SYNDIG1: variants seen among roughly 807,000 people sequenced by gnomAD.
SYNDIG1 encodes the protein synapse differentiation-inducing gene protein 1.
SYNDIG1 carries 9 observed loss-of-function variants against 19.4 expected under a neutral mutation model. The ratio of observed to expected loss-of-function variants is 0.46; its 90% CI spans 0.28 to 0.81. The LOEUF (loss-of-function observed/expected upper bound fraction) is 0.81. Ranked by LOEUF, SYNDIG1 falls within the 30% of genes least tolerant of loss-of-function variation. The pLI, the probability that SYNDIG1 is intolerant of heterozygous loss-of-function variation, is 0.12. For missense variants in SYNDIG1, 311 were observed against 343.3 expected (o/e 0.91, Z 0.74); for synonymous variants, 141 against 145.9 (o/e 0.97, Z 0.24).
chr20:24,525,883 C>T (rs2057113994), intron 1 of SYNDIG1, among the ~76,000 whole-genome samples: 1 of 152,016 alleles, frequency 6.6e-6, no homozygotes, highest in South Asian at 2.1e-4. Context: ...ATAAATTTTG[C>T]TTTATATAAT....
intron 3 of SYNDIG1, among the ~76,000 whole-genome samples, chr20:24,601,205 A>G: frequency 6.6e-6 from 1 of 152,152 alleles, no homozygotes. Flanking sequence ...CATAATTTGT[A>G]TATGTTGCTG....
intron 1 of SYNDIG1, among the ~76,000 whole-genome samples, chr20:24,528,276 T>TTA (rs1191803398): frequency 6.6e-6 from 1 of 152,220 alleles, no homozygotes; most frequent in Non-Finnish European, 1.5e-5. Context: ...TATGGTTGTT[T>TTA]TATAATCTTC....
rs542332277 is a variant in SYNDIG1, at chr20:24,602,527, T to A, written c.618+17534T>A. ...TCTCCCTCTTCACTGGGCTCTGAAA[T>A]CCAACTTGGATTCCTATGATCTCAC... On this transcript the variant is annotated intron_variant, in intron 3 of 3. Coordinates refer to ENST00000376862, the MANE Select transcript of SYNDIG1 (RefSeq NM_024893.3). Among the ~76,000 whole-genome samples, 11 of 152,276 alleles carry A rather than the reference T, an allele frequency of 7.2e-5. No individual in the cohort carries two copies. In the South Asian group the frequency reaches 2.3e-3, roughly 32 times the overall value.
chr20:24,538,153 A>G (rs2057399199), intron 1 of SYNDIG1, among the ~76,000 whole-genome samples: 1 of 152,180 alleles, frequency 6.6e-6, no homozygotes, highest in South Asian at 2.1e-4. Flanking sequence ...TTTTAAGTGT[A>G]CAGTTCGGTG....
intron 3 of SYNDIG1, among the ~76,000 whole-genome samples, chr20:24,654,292 G>C (rs984064640): frequency 3.3e-5 from 5 of 152,098 alleles, no homozygotes; most frequent in Non-Finnish European, 5.9e-5. Flanking sequence ...GTGAGGGTCA[G>C]GGGAAGGATT....
At chr20:24,528,593 C>T (rs886253325) in intron 1 of SYNDIG1, among the ~76,000 whole-genome samples, 2 of 152,142 alleles carry the variant, frequency 1.3e-5, no homozygotes, top group Admixed American at 6.5e-5. Flanking sequence ...GGCAGAAGCT[C>T]AAGAAGGGGC....
chr20:24,610,117 T>C (rs946176703), intron 3 of SYNDIG1, among the ~76,000 whole-genome samples: 4 of 152,172 alleles, frequency 2.6e-5, no homozygotes, highest in Non-Finnish European at 1.5e-5. Flanking sequence ...CCAGGAATCC[T>C]AAATACAGGT....
chr20:24,483,232 T>C (rs949647372), intron 1 of SYNDIG1, among the ~76,000 whole-genome samples: 6 of 152,154 alleles, frequency 3.9e-5, no homozygotes, highest in African/African-American at 1.4e-4. Flanking sequence ...CCGTGGGCAC[T>C]CACACGCATG....
intron 1 of SYNDIG1, among the ~76,000 whole-genome samples, chr20:24,512,150 T>TATATATAC (rs1568598856): frequency 1.7e-5 from 2 of 118,536 alleles, no homozygotes; most frequent in Admixed American, 8.7e-5. Flanking sequence ...TATATATATA[T>TATATATAC]ATATGCAGTG....
chr20:24,560,053 C>CTTTTT (rs1878948699), intron 2 of SYNDIG1, among the ~76,000 whole-genome samples: 1 of 48,400 alleles, frequency 2.1e-5, no homozygotes, highest in Non-Finnish European at 4.2e-5. Context: ...TTTAACATTT[C>CTTTTT]TCTCCTCTCC....
intron 3 of SYNDIG1, among the ~76,000 whole-genome samples, chr20:24,600,615 T>C (rs1259675090): frequency 6.7e-6 from 1 of 150,006 alleles, no homozygotes; most frequent in Non-Finnish European, 1.5e-5. Flanking sequence ...CTTTTTTTTT[T>C]TTTTTTTTGA....
chr20:24,625,384 AT>A (rs35759862), intron 3 of SYNDIG1, among the ~76,000 whole-genome samples: 20,477 of 115,016 alleles, frequency 0.18, 1,799 homozygotes, highest in Admixed American at 0.25. Flanking sequence ...TGCCTGGGAC[AT>A]TTTTTTTTTT....
At chr20:24,574,659 A>G (rs1285513532) in intron 2 of SYNDIG1, among the ~76,000 whole-genome samples, 2 of 152,212 alleles carry the variant, frequency 1.3e-5, no homozygotes, top group Admixed American at 6.5e-5. Context: ...TTAAATGCCT[A>G]TAGCTAGTTA....
intron 3 of SYNDIG1, among the ~76,000 whole-genome samples, chr20:24,664,718 C>T (rs915171354): frequency 2.0e-5 from 3 of 152,134 alleles, no homozygotes; most frequent in African/African-American, 7.2e-5. Context: ...ATGAATTTTA[C>T]TAACGCCAAC....
intron 2 of SYNDIG1, among the ~76,000 whole-genome samples, chr20:24,581,729 G>A (rs2058326560): frequency 6.6e-6 from 1 of 152,016 alleles, no homozygotes; most frequent in South Asian, 2.1e-4. Flanking sequence ...CATTCATACT[G>A]CACATCCTCC....
chr20:24,608,302 C>A (rs1165408517), intron 3 of SYNDIG1, among the ~76,000 whole-genome samples: 1 of 151,992 alleles, frequency 6.6e-6, no homozygotes, highest in African/African-American at 2.4e-5. Flanking sequence ...CCTCAGCCTC[C>A]CAAGTAGCTG....
intron 2 of SYNDIG1, among the ~76,000 whole-genome samples, chr20:24,583,659 G>A (rs1473377752): frequency 6.6e-6 from 1 of 152,222 alleles, no homozygotes; most frequent in Non-Finnish European, 1.5e-5. Context: ...CACCAAGGCA[G>A]GGCCCAGCCA....
intron 1 of SYNDIG1, among the ~76,000 whole-genome samples, chr20:24,542,815 A>T (rs1451612522): frequency 6.6e-6 from 1 of 152,212 alleles, no homozygotes; most frequent in East Asian, 1.9e-4. Flanking sequence ...AGATTCAGGT[A>T]ATCAATTTCT....
chr20:24,529,485 T>C (rs1171380294), intron 1 of SYNDIG1, among the ~76,000 whole-genome samples: 1 of 152,230 alleles, frequency 6.6e-6, no homozygotes, highest in Non-Finnish European at 1.5e-5. Flanking sequence ...AACTCTTCCC[T>C]TGTCATGAAG....
Sources: allele counts gnomAD v4.1 joint callset (sites outside exome capture counted in the v4.1 genomes callset), GRCh38; gene constraint gnomAD v4.1.1; transcripts MANE v1.5; gene names NCBI Gene and HGNC (gene_info 2026-07-23, HGNC 2026-07-21).